TMEM87B: variants seen among roughly 807,000 people sequenced by gnomAD.
TMEM87B encodes the protein transmembrane protein 87B.
In TMEM87B, 83 loss-of-function variants were observed where a neutral mutation model predicts 80.3. The observed-to-expected ratio is 1.03, with a 90% confidence interval of 0.87 to 1.24. The LOEUF (loss-of-function observed/expected upper bound fraction) is 1.24, where lower values mean the gene tolerates loss of function less well. TMEM87B is among the 50% of genes most tolerant of loss of function. The pLI, the probability that TMEM87B is intolerant of heterozygous loss-of-function variation, is 0.00. For synonymous variants in TMEM87B, 219 were observed against 230.5 expected (o/e 0.95, Z 0.45); for missense variants, 625 against 674.4 (o/e 0.93, Z 0.81).
intron 4 of TMEM87B, among the ~76,000 whole-genome samples, chr2:112,073,679 T>G (rs1385253282): frequency 6.6e-6 from 1 of 152,192 alleles, no homozygotes; most frequent in Admixed American, 6.5e-5. Context: ...AGTGATCTAA[T>G]ACTTTCAGTC....
rs988732938 is a variant in TMEM87B, at chr2:112,075,426, A to G, written c.501+464A>G. Among the ~76,000 whole-genome samples, 3 of 152,126 alleles carry G rather than the reference A, an allele frequency of 2.0e-5. No homozygotes were observed. In the East Asian group the frequency reaches 5.8e-4, roughly 29 times the overall value. ...AAAAAAAGTTTTCTTATATATGTCTATATGAATTTTGTATATACTGTTACT... is the reference window on the plus strand; with the variant it reads ...AAAAAAAGTTTTCTTATATATGTCTGTATGAATTTTGTATATACTGTTACT... On this transcript the variant is annotated intron_variant, in intron 5 of 18. Transcript: ENST00000283206.
Position 112,097,293 on chromosome 2 carries a change from T to G in TMEM87B, c.1272+2T>G, listed in dbSNP as rs772585000. On this transcript the variant is annotated splice_donor_variant, in intron 13 of 18. Transcript: ENST00000283206. LOFTEE classifies it high-confidence loss of function. ...TTTAGAATTGCAAAATGCCAATCAG[T>G]AAGTATAACCTTCCTATTTAAACAG... 1 of 1,600,928 alleles carries G rather than the reference T, an allele frequency of 6.2e-7. No individual in the cohort carries two copies. Among genetic ancestry groups the G allele is most frequent in the South Asian group, 1.1e-5 (1 of 88,210 alleles).
At chr2:112,064,062 C>A in intron 2 of TMEM87B, 100 bp from the exon 3 acceptor site, 1 of 933,498 alleles carries the variant, frequency 1.1e-6, no homozygotes, top group Non-Finnish European at 1.6e-6. Context: ...CTCATTGTTA[C>A]ATTAAAGTAG....
chr2:112,117,591 G>C lies in TMEM87B; in HGVS notation c.*1448G>C, dbSNP rs1680058407. On this transcript the variant is annotated 3_prime_UTR_variant, in exon 19 of 19. Transcript: ENST00000283206. Reference sequence around the variant, plus strand: ...GTCGTGACCATGTGGAAAGTGAACAGTGTTGGCAAACATTACCGAGAAAAT... The same window carrying C: ...GTCGTGACCATGTGGAAAGTGAACACTGTTGGCAAACATTACCGAGAAAAT... The C allele has an allele frequency of 6.6e-6, 1 of 151,976 alleles. No individual in the cohort carries two copies. The highest frequency in any genetic ancestry group is 2.4e-5 in the African/African-American group (1 of 41,384). The allele number at this position is 151,976 out of a possible 1,614,324, so 9.4% of individuals were successfully genotyped here. A position where few individuals can be genotyped will look rare whatever the true frequency, so the allele number is the denominator to read the frequency against.
chr2:112,092,607 A>G (rs1336982350), intron 11 of TMEM87B, among the ~76,000 whole-genome samples: 1 of 152,214 alleles, frequency 6.6e-6, no homozygotes, highest in African/African-American at 2.4e-5. Context: ...GGTGAGGGTC[A>G]GAAGTAGGGT....
At position 112,066,964 on chromosome 2, in the gene TMEM87B, T is replaced by C. The variant is rs1185667435; in HGVS notation, c.347T>C (p.Val116Ala). Residue 116 changes from valine to alanine, a missense_variant, in exon 4 of 19, where the codon GTT (valine) becomes GCT (alanine). By Grantham distance (64) the Val-to-Ala change is moderately conservative. Coordinates refer to ENST00000283206, the MANE Select transcript of TMEM87B (RefSeq NM_032824.3). ...EELFQKHKLSVDEDFCHYLKN... is the reference protein window; with the variant it reads ...EELFQKHKLSADEDFCHYLKN... ...CTGTTCCAAAAACATAAACTTAGTG[T>C]TGATGAAGACTTTTGTCATTATTTG... 1 of 1,609,506 alleles carries C rather than the reference T, an allele frequency of 6.2e-7. No individual in the cohort carries two copies. Among genetic ancestry groups the C allele is most frequent in the South Asian group, 1.1e-5 (1 of 89,558 alleles).
intron 14 of TMEM87B, among the ~76,000 whole-genome samples, chr2:112,098,935 C>T (rs1461093678): frequency 6.6e-6 from 1 of 152,134 alleles, no homozygotes; most frequent in Non-Finnish European, 1.5e-5. Context: ...TACATTACAC[C>T]TTGAGGAAAG....
rs1023728067 is a variant in TMEM87B, at chr2:112,108,573, A to G, written c.1577+733A>G. Among the ~76,000 whole-genome samples, 25 of 152,134 alleles carry G rather than the reference A, an allele frequency of 1.6e-4. No individual in the cohort carries two copies. In the South Asian group the frequency reaches 3.1e-3, roughly 19 times the overall value. ...CTTTGTTGACCTTTTTTTTCTTTCA[A>G]CACTTAAAAGGTTGGTCACTTGAAT... On this transcript the variant is annotated intron_variant, in intron 17 of 18. Coordinates refer to ENST00000283206, the MANE Select transcript of TMEM87B (RefSeq NM_032824.3).
Position 112,118,985 on chromosome 2 carries a change from TTGGTTAATATAC to T in TMEM87B, c.*2862_*2873del, listed in dbSNP as rs1341309001. 1.2e-4 allele frequency: 19 copies of T among 152,222 alleles called. No homozygotes were observed. Among genetic ancestry groups the T allele is most frequent in the South Asian group, 6.2e-4 (3 of 4,818 alleles). 9.4% of individuals were successfully genotyped at this position (152,222 alleles called of 1,614,324 possible). ...TTATACTTAAAAGAAGTTTAACATATTGGTTAATATACTGGTTAATATACTGGTTAAACATAT... is the reference window on the plus strand; with the variant it reads ...TTATACTTAAAAGAAGTTTAACATATTGGTTAATATACTGGTTAAACATAT... On this transcript the variant is annotated 3_prime_UTR_variant, in exon 19 of 19. Coordinates refer to ENST00000283206, the MANE Select transcript of TMEM87B (RefSeq NM_032824.3).
At chr2:112,057,917 T>A (rs2104450501) in intron 1 of TMEM87B, among the ~76,000 whole-genome samples, 2 of 148,842 alleles carry the variant, frequency 1.3e-5, no homozygotes, top group South Asian at 4.4e-4. Flanking sequence ...AACTTCCACC[T>A]CCCGGGTTCA....
intron 8 of TMEM87B, among the ~76,000 whole-genome samples, chr2:112,081,838 A>G (rs1679007336): frequency 6.6e-6 from 1 of 152,170 alleles, no homozygotes. Flanking sequence ...GGTGCTGTCA[A>G]TCCTTTTAAC....
intron 5 of TMEM87B, 49 bp from the exon 6 acceptor site, chr2:112,077,143 A>G: frequency 1.0e-6 from 1 of 985,860 alleles, no homozygotes; most frequent in Non-Finnish European, 1.5e-6. Context: ...GCTATATTAC[A>G]TAGCAATTTG....
rs756943270 is a variant in TMEM87B, at chr2:112,091,769, A to G, written c.1090A>G (p.Ile364Val). The G allele has an allele frequency of 6.2e-7, 1 of 1,612,380 alleles. No individual in the cohort carries two copies. The highest frequency in any genetic ancestry group is 8.5e-7 in the Non-Finnish European group (1 of 1,178,736). The change falls in exon 11 of 19, where the codon ATT (isoleucine) becomes GTT (valine). Residue 364 changes from isoleucine to valine, a missense_variant. Physicochemically the swap from Ile to Val is conservative, Grantham distance 29. Coordinates refer to ENST00000283206, the MANE Select transcript of TMEM87B (RefSeq NM_032824.3). ...DDIILAVIDSIFVWFIFISLA... is the reference protein window; with the variant it reads ...DDIILAVIDSVFVWFIFISLA... ...CATTATTTTAGCAGTTATTGACTCC[A>G]TTTTTGTGTGGTTCATATCCTTTAC...
Position 112,081,598 on chromosome 2 carries a change from C to T in TMEM87B, c.838+80C>T, listed in dbSNP as rs188206275. 2,762 of 1,289,642 alleles carry T rather than the reference C, an allele frequency of 2.1e-3. 4 individuals carry two copies. The highest frequency in any genetic ancestry group is 2.6e-3 in the Non-Finnish European group (2,420 of 944,490). 79.9% of individuals were successfully genotyped at this position (1,289,642 alleles called of 1,614,324 possible). ...TATGAGCAGAGCAGTGGGAGGCCCCCTTCTGAACAGTGGTTTGGAAACAGA... is the reference window on the plus strand; with the variant it reads ...TATGAGCAGAGCAGTGGGAGGCCCCTTTCTGAACAGTGGTTTGGAAACAGA... On this transcript the variant is annotated intron_variant, in intron 8 of 18. Transcript: ENST00000283206.
chr2:112,098,825 A>C, intron 14 of TMEM87B, 127 bp downstream of exon 14: 1 of 808,692 alleles, frequency 1.2e-6, no homozygotes, highest in Admixed American at 2.6e-5. Context: ...AAGTAGGGAG[A>C]TAAGCAAAAC....
chr2:112,084,373 A>G (rs1170584916), intron 8 of TMEM87B, among the ~76,000 whole-genome samples: 1 of 152,136 alleles, frequency 6.6e-6, no homozygotes, highest in East Asian at 1.9e-4. Context: ...AGACATATAT[A>G]TCCAGTCACC....
At chr2:112,058,048 A>C (rs1167263987) in intron 1 of TMEM87B, among the ~76,000 whole-genome samples, 1 of 152,100 alleles carries the variant, frequency 6.6e-6, no homozygotes, top group Non-Finnish European at 1.5e-5. Flanking sequence ...GCTGGTCTCG[A>C]ACTCCTGACC....
intron 8 of TMEM87B, among the ~76,000 whole-genome samples, chr2:112,084,185 TGTA>T (rs1405292957): frequency 6.6e-6 from 1 of 152,168 alleles, no homozygotes; most frequent in African/African-American, 2.4e-5. Context: ...CCAGAAACGT[TGTA>T]GTCACATTAC....
chr2:112,055,465 A>T lies in TMEM87B; in HGVS notation c.-127A>T. ...GCCTCTCCGCCCAGGCCCAAGCGCG[A>T]GCCCCTCCTCCACACCCGAGTCCGA... On this transcript the variant is annotated 5_prime_UTR_variant, in exon 1 of 19. Coordinates refer to ENST00000283206, the MANE Select transcript of TMEM87B (RefSeq NM_032824.3). 1 of 1,133,022 alleles carries T rather than the reference A, an allele frequency of 8.8e-7. No homozygotes were observed. The highest frequency in any genetic ancestry group is 1.2e-6 in the Non-Finnish European group (1 of 851,104). 70.2% of individuals were successfully genotyped at this position (1,133,022 alleles called of 1,614,324 possible).
Sources: gnomAD v4.1 joint callset for allele counts (sites outside exome capture counted in the v4.1 genomes callset) on GRCh38, gnomAD v4.1.1 for gene constraint, MANE v1.5 for transcripts, NCBI Gene and HGNC (gene_info 2026-07-23, HGNC 2026-07-21) for gene names.